Variants in BCKDHB observed in about 807,000 individuals in gnomAD.
BCKDHB encodes branched chain keto acid dehydrogenase E1 subunit beta, also known as 2-oxoisovalerate dehydrogenase subunit beta, mitochondrial.
A neutral mutation model predicts 48.5 loss-of-function variants in BCKDHB; 41 were observed. That is an observed-to-expected ratio of 0.85 (90% confidence interval 0.66 to 1.10). The LOEUF is 1.10. Ranked by LOEUF, BCKDHB falls within the 50% of genes least tolerant of loss-of-function variation. The pLI is 0.00. For missense variants in BCKDHB, 496 were observed against 494.2 expected, an observed-to-expected ratio of 1.00 and a Z score of -0.03; for synonymous variants, 201 against 174.8, an observed-to-expected ratio of 1.15 and a Z score of -1.18.
the BCKDHB span, chr6:80,374,038 G>T: frequency 3.3e-4 from 216 of 655,282 alleles, 1 homozygote; most frequent in Middle Eastern, 8.8e-4. Flanking sequence ...ATAAGTTTTT[G>T]TTTCATCAGT....
rs113663453 is a variant in BCKDHB, at chr6:80,135,566, T to G, written c.343+6337T>G. Among the ~76,000 whole-genome samples, 569 of 152,282 alleles carry G rather than the reference T, an allele frequency of 3.7e-3. 3 individuals carry two copies. The highest frequency in any genetic ancestry group is 0.013 in the African/African-American group (527 of 41,564). On this transcript the variant is annotated intron_variant, in intron 3 of 9. Coordinates refer to ENST00000320393, the MANE Select transcript of BCKDHB (RefSeq NM_183050.4). ...CTCTTGATATTACAAAGTTCTTTTG[T>G]TTTCCAAAGGTGCACATGTTGGCAG... is the stretch of plus-strand genomic sequence containing the variant.
chr6:80,253,565 G>A (rs565191735), intron 8 of BCKDHB, among the ~76,000 whole-genome samples: 1 of 152,108 alleles, frequency 6.6e-6, no homozygotes, highest in South Asian at 2.1e-4. Flanking sequence ...ATCTTACTAG[G>A]AAAGCATAAA....
intron 5 of BCKDHB, chr6:80,169,949 T>C: frequency 1.4e-6 from 2 of 1,447,914 alleles, no homozygotes; most frequent in Non-Finnish European, 1.8e-6. Flanking sequence ...TCACATTTAA[T>C]ATTTATAACA....
chr6:80,171,681 A>G (rs1772926097), intron 6 of BCKDHB, among the ~76,000 whole-genome samples: 1 of 152,156 alleles, frequency 6.6e-6, no homozygotes, highest in African/African-American at 2.4e-5. Flanking sequence ...ATATGGATTG[A>G]ACAGAAAAGT....
At chr6:80,444,016 GA>G in the BCKDHB span, among the ~76,000 whole-genome samples, 5 of 151,738 alleles carry the variant, frequency 3.3e-5, no homozygotes, top group African/African-American at 1.2e-4. Context: ...TCAAAGTAAA[GA>G]AATTACATAT....
intron 9 of BCKDHB, among the ~76,000 whole-genome samples, chr6:80,315,703 C>G (rs979386431): frequency 6.6e-6 from 1 of 151,918 alleles, no homozygotes; most frequent in Non-Finnish European, 1.5e-5. Flanking sequence ...ACTGTATCTT[C>G]GAACTCCTGG....
chr6:80,114,349 G>C (rs1769573638), intron 1 of BCKDHB, among the ~76,000 whole-genome samples: 1 of 151,808 alleles, frequency 6.6e-6, no homozygotes, highest in African/African-American at 2.4e-5. Context: ...CCCAGGCTCA[G>C]GTGATCCTCA....
At chr6:80,449,056 T>C in the BCKDHB span, among the ~76,000 whole-genome samples, 1 of 152,200 alleles carries the variant, frequency 6.6e-6, no homozygotes, top group Non-Finnish European at 1.5e-5. Flanking sequence ...AATCCTCAAA[T>C]TTCCCCAGTT....
chr6:80,370,557 C>G, the BCKDHB span, among the ~76,000 whole-genome samples: 15 of 152,092 alleles, frequency 9.9e-5, no homozygotes, highest in Non-Finnish European at 2.1e-4. Flanking sequence ...CTCTGCCATC[C>G]TTTCCCCTGA....
intron 9 of BCKDHB, among the ~76,000 whole-genome samples, chr6:80,322,644 C>T (rs145222782): frequency 6.2e-4 from 95 of 152,086 alleles, no homozygotes; most frequent in African/African-American, 2.3e-3. Flanking sequence ...AAATGAAAAG[C>T]AAAATTAATG....
At chr6:80,294,760 C>G (rs1173857070) in intron 9 of BCKDHB, among the ~76,000 whole-genome samples, 1 of 152,160 alleles carries the variant, frequency 6.6e-6, no homozygotes, top group African/African-American at 2.4e-5. Flanking sequence ...TCTCTGCTCT[C>G]AAACCCTGTT....
the BCKDHB span, among the ~76,000 whole-genome samples, chr6:80,432,914 G>T: frequency 6.6e-6 from 1 of 152,132 alleles, no homozygotes; most frequent in African/African-American, 2.4e-5. Flanking sequence ...CTAACAGTTA[G>T]CCCCTCTGCT....
At chr6:80,206,843 A>G (rs1212148974) in intron 8 of BCKDHB, among the ~76,000 whole-genome samples, 1 of 152,028 alleles carries the variant, frequency 6.6e-6, no homozygotes, top group Non-Finnish European at 1.5e-5. Flanking sequence ...TATCTAAAAA[A>G]AAATTCTCAT....
chr6:80,407,768 G>T, the BCKDHB span, among the ~76,000 whole-genome samples: 1 of 152,244 alleles, frequency 6.6e-6, no homozygotes. Flanking sequence ...AGATGATGGG[G>T]TTTTCTAAAT....
chr6:80,188,993 T>C (rs1273488256), intron 6 of BCKDHB, among the ~76,000 whole-genome samples: 6 of 152,154 alleles, frequency 3.9e-5, no homozygotes, highest in African/African-American at 1.4e-4. Flanking sequence ...TTACAACATA[T>C]TCTAACATAT....
chr6:80,400,488 A>G, the BCKDHB span, among the ~76,000 whole-genome samples: 1 of 152,156 alleles, frequency 6.6e-6, no homozygotes, highest in Admixed American at 6.6e-5. Flanking sequence ...ATCACTGATC[A>G]TTAGAAAAAT....
intron 8 of BCKDHB, among the ~76,000 whole-genome samples, chr6:80,253,745 A>G (rs1452770797): frequency 2.6e-5 from 4 of 152,126 alleles, no homozygotes; most frequent in Non-Finnish European, 5.9e-5. Context: ...CTATATTTAT[A>G]GTGTTTTTCT....
At chr6:80,258,779 C>T (rs1190437260) in intron 8 of BCKDHB, among the ~76,000 whole-genome samples, 1 of 151,730 alleles carries the variant, frequency 6.6e-6, no homozygotes, top group African/African-American at 2.4e-5. Context: ...ATTTTAGCAG[C>T]ACTCATGCAT....
chr6:80,392,652 T>A, the BCKDHB span, among the ~76,000 whole-genome samples: 1 of 151,736 alleles, frequency 6.6e-6, no homozygotes, highest in Admixed American at 6.6e-5. Flanking sequence ...TTTCTTGTAA[T>A]TTTTTTGATG....
Sources: gnomAD v4.1 joint callset for allele counts (sites outside exome capture counted in the v4.1 genomes callset) on GRCh38, gnomAD v4.1.1 for gene constraint, MANE v1.5 for transcripts, NCBI Gene and HGNC (gene_info 2026-07-23, HGNC 2026-07-21) for gene names.